TBC1D9: variants seen among roughly 807,000 people sequenced by gnomAD.
TBC1D9 encodes the protein TBC1 domain family member 9.
A neutral mutation model predicts 132.0 loss-of-function variants in TBC1D9; 63 were observed. The observed-to-expected ratio is 0.48, with a 90% CI of 0.39 to 0.59. The LOEUF is 0.59. TBC1D9 is among the 20% of genes least tolerant of loss of function. The pLI, the probability that TBC1D9 is intolerant of heterozygous loss-of-function variation, is 0.00. For synonymous variants in TBC1D9, 610 were observed against 609.9 expected (o/e 1.00, Z 0.00); for missense variants, 1,261 against 1,592.7 (o/e 0.79, Z 3.54).
intron 13 of TBC1D9, among the ~76,000 whole-genome samples, chr4:140,647,759 C>T (rs1260955163): frequency 6.6e-6 from 1 of 152,214 alleles, no homozygotes; most frequent in Non-Finnish European, 1.5e-5. Flanking sequence ...GACTCTGCAA[C>T]TTGCCAGAGA....
intron 1 of TBC1D9, among the ~76,000 whole-genome samples, chr4:140,731,693 A>ACACACC (rs1738593283): frequency 6.6e-6 from 1 of 150,874 alleles, no homozygotes; most frequent in Admixed American, 6.6e-5. Context: ...ACACACACAC[A>ACACACC]CCCCAAACAT....
At chr4:140,649,221 G>C (rs1397822630) in intron 13 of TBC1D9, among the ~76,000 whole-genome samples, 1 of 152,246 alleles carries the variant, frequency 6.6e-6, no homozygotes, top group Admixed American at 6.5e-5. Flanking sequence ...TGATGTGAAT[G>C]AGTCTGCCCA....
rs76869173 is a variant in TBC1D9, at chr4:140,645,544, G to A, written c.2338-6116C>T. ...TGCGAGAGCCTCTATATACATCTCC[G>A]CACTTCCTCCAGGCATGCATCATTA... On this transcript the variant is annotated intron_variant, in intron 13 of 20. Transcript: ENST00000442267. The A allele has an allele frequency of 1.2e-3, 360 of 305,224 alleles. 8 individuals carry two copies. In the East Asian group the frequency reaches 0.027, roughly 23 times the overall value. The allele number at this position is 305,224 out of a possible 1,614,324, so 18.9% of individuals were successfully genotyped here.
chr4:140,729,600 A>G (rs1738554634), intron 1 of TBC1D9, among the ~76,000 whole-genome samples: 1 of 152,054 alleles, frequency 6.6e-6, no homozygotes. Context: ...CAGAAGGAGC[A>G]TGAGATCAAG....
intron 2 of TBC1D9, among the ~76,000 whole-genome samples, chr4:140,687,341 GTCATA>G (rs1455533708): frequency 4.2e-4 from 38 of 91,056 alleles, no homozygotes; most frequent in African/African-American, 1.2e-3. Flanking sequence ...GTGTGTGTGT[GTCATA>G]TATATATATA....
intron 2 of TBC1D9, 143 bp from the exon 3 acceptor site, chr4:140,686,605 AGAG>A (rs1176757936): frequency 9.6e-5 from 56 of 584,712 alleles, no homozygotes; most frequent in Non-Finnish European, 1.4e-4. Context: ...TCTCTCCTCC[AGAG>A]GAGACACACA....
chr4:140,739,994 G>A (rs1738734997), intron 1 of TBC1D9, among the ~76,000 whole-genome samples: 2 of 152,182 alleles, frequency 1.3e-5, no homozygotes, highest in African/African-American at 4.8e-5. Flanking sequence ...TGTCCAGCAT[G>A]CCTTAGAATA....
At chr4:140,644,683 A>C (rs1737072962) in intron 13 of TBC1D9, 1 of 421,230 alleles carries the variant, frequency 2.4e-6, no homozygotes, top group South Asian at 1.8e-5. Context: ...CTGCAGGTAC[A>C]GGAACTCCTG....
intron 6 of TBC1D9, among the ~76,000 whole-genome samples, chr4:140,671,678 G>C (rs1015435045): frequency 1.4e-3 from 119 of 85,280 alleles, no homozygotes; most frequent in African/African-American, 4.6e-3. Context: ...ACCAGACTGT[G>C]TGTGTGTGTG....
intron 5 of TBC1D9, among the ~76,000 whole-genome samples, chr4:140,678,137 T>A (rs572575971): frequency 6.6e-6 from 1 of 152,368 alleles, no homozygotes; most frequent in African/African-American, 2.4e-5. Context: ...AGTAGCAGCA[T>A]CTATCTTACA....
intron 2 of TBC1D9, 139 bp from the exon 3 acceptor site, chr4:140,686,601 C>A (rs1243640819): frequency 8.5e-6 from 5 of 586,230 alleles, no homozygotes; most frequent in Non-Finnish European, 1.5e-5. Flanking sequence ...GCTTTCTCTC[C>A]TCCAGAGGAG....
chr4:140,754,704 G>A (rs1454882461), intron 1 of TBC1D9, among the ~76,000 whole-genome samples: 1 of 143,162 alleles, frequency 7.0e-6, no homozygotes, highest in African/African-American at 2.6e-5. Flanking sequence ...TTTAGAGTTA[G>A]ATAACTTCTA....
rs2111091530 is a variant in TBC1D9, at chr4:140,756,259, G to A, written c.-214C>T. On this transcript the variant is annotated 5_prime_UTR_variant, in exon 1 of 21. Transcript: ENST00000442267. The surrounding 1 kb of genome is among the most constrained non-coding windows in gnomAD (Gnocchi z 5.6). The stretch of plus-strand genomic sequence containing the variant: ...CGGCCCGGGAGGACGGTGAGGACGC[G>A]GGCGCGGCAAGCAGCATCCTCCCCG... 2 of 310,066 alleles carry A rather than the reference G, an allele frequency of 6.5e-6. No individual in the cohort carries two copies. The highest frequency in any genetic ancestry group is 5.3e-5 in the East Asian group (1 of 19,038). The allele number at this position is 310,066 out of a possible 1,614,324, so 19.2% of individuals were successfully genotyped here. A position where few individuals can be genotyped will look rare whatever the true frequency, so the allele number is the denominator to read the frequency against.
intron 6 of TBC1D9, among the ~76,000 whole-genome samples, chr4:140,671,552 A>G (rs912229470): frequency 6.6e-6 from 1 of 152,178 alleles, no homozygotes; most frequent in East Asian, 1.9e-4. Flanking sequence ...CAAATGTTTC[A>G]TTTAGACTCC....
At chr4:140,673,257 G>A (rs1014659120) in intron 6 of TBC1D9, among the ~76,000 whole-genome samples, 1 of 151,956 alleles carries the variant, frequency 6.6e-6, no homozygotes, top group Non-Finnish European at 1.5e-5. Flanking sequence ...CTTAACATCT[G>A]TTGACTGGGT....
chr4:140,645,289 C>T (rs1737086651), intron 13 of TBC1D9: 1 of 516,130 alleles, frequency 1.9e-6, no homozygotes, highest in Admixed American at 2.0e-5. Context: ...TACTCAGTGA[C>T]AGAGGGTGCT....
intron 1 of TBC1D9, among the ~76,000 whole-genome samples, chr4:140,753,944 G>T (rs1041858324): frequency 6.6e-6 from 1 of 152,134 alleles, no homozygotes; most frequent in African/African-American, 2.4e-5. Context: ...TACCTCTCTT[G>T]CTTGAAAATA....
chr4:140,643,717 G>A (rs1737050252), intron 13 of TBC1D9: 2 of 1,211,542 alleles, frequency 1.7e-6, no homozygotes, highest in African/African-American at 1.5e-5. Flanking sequence ...GCCGTGCAGG[G>A]TTCTGTCCGG....
At chr4:140,666,734 TA>T (rs35117175) in intron 9 of TBC1D9, among the ~76,000 whole-genome samples, 63 of 145,552 alleles carry the variant, frequency 4.3e-4, no homozygotes, top group East Asian at 1.2e-3. Context: ...GTGAATATAC[TA>T]AAAAAAAAAA....
Sources: allele counts gnomAD v4.1 joint callset (sites outside exome capture counted in the v4.1 genomes callset), GRCh38; gene constraint gnomAD v4.1.1; non-coding constraint Gnocchi (gnomAD v3.1); transcripts MANE v1.5; gene names NCBI Gene and HGNC (gene_info 2026-07-23, HGNC 2026-07-21).